The following RASSF2 variants were observed in gnomAD, a reference collection of about 807,000 sequenced individuals.
The protein encoded by RASSF2 is Ras association domain family member 2.
A neutral mutation model predicts 46.3 loss-of-function variants in RASSF2; 34 were observed. The ratio of observed to expected loss-of-function variants is 0.73; its 90% CI spans 0.56 to 0.98. The LOEUF (loss-of-function observed/expected upper bound fraction) is 0.98. Among genes scored for constraint, RASSF2 ranks in the 50% least tolerant of loss-of-function variants. RASSF2 has a pLI of 0.00. For synonymous variants in RASSF2, 158 were observed against 162.5 expected (o/e 0.97, Z 0.21); for missense variants, 364 against 431.2 (o/e 0.84, Z 1.38).
At chr20:4,808,507 G>A (rs1207405516) in intron 2 of RASSF2, among the ~76,000 whole-genome samples, 1 of 105,540 alleles carries the variant, frequency 9.5e-6, no homozygotes, top group Non-Finnish European at 2.1e-5. Context: ...TTTTTTTTGA[G>A]ACAGGGTCTC....
chr20:4,794,252 C>G (rs930613237), intron 5 of RASSF2, among the ~76,000 whole-genome samples: 3 of 152,018 alleles, frequency 2.0e-5, no homozygotes, highest in African/African-American at 7.3e-5. Context: ...TAGTGAGACC[C>G]CATTTCTACA....
Position 4,780,288 on chromosome 20 carries a change from A to G in RASSF2, c.*3985T>C, listed in dbSNP as rs1924676336. 1 of 152,258 alleles carries G rather than the reference A, an allele frequency of 6.6e-6. No homozygotes were observed. The highest frequency in any genetic ancestry group is 1.5e-5 in the Non-Finnish European group (1 of 68,044). The allele number at this position is 152,258 out of a possible 1,614,324, so 9.4% of individuals were successfully genotyped here. A position where few individuals can be genotyped will look rare whatever the true frequency, so the allele number is the denominator to read the frequency against. On this transcript the variant is annotated 3_prime_UTR_variant, in exon 12 of 12. Transcript: ENST00000379400. ...ACGCTAGCAATTACACACCAGAAAC[A>G]TCAGCCTGGAAACAGGTCTGCGATC...
chr20:4,784,668 C>G (rs1183095971), intron 11 of RASSF2, among the ~76,000 whole-genome samples: 2 of 149,502 alleles, frequency 1.3e-5, no homozygotes, highest in Non-Finnish European at 3.0e-5. Flanking sequence ...AGTGCGTTTG[C>G]TTACTATGTC....
chr20:4,784,649 T>C (rs1925145009), intron 11 of RASSF2, among the ~76,000 whole-genome samples: 1 of 147,542 alleles, frequency 6.8e-6, no homozygotes, highest in Admixed American at 6.7e-5. Context: ...ATAAGCATTC[T>C]ACGAATTCAG....
Position 4,789,669 on chromosome 20 carries a change from G to C in RASSF2, c.566C>G (p.Ser189Cys), listed in dbSNP as rs1350526330. The change falls in exon 8 of 12, where the codon TCT becomes TGT. Residue 189 changes from serine (S) to cysteine (C), a missense_variant. Coordinates refer to ENST00000379400, the MANE Select transcript of RASSF2 (RefSeq NM_014737.3). Reference sequence around the variant, plus strand: ...GCTGTTGATGCGGACGTTGGTGACAGAGCCATAGGCTGGTGTGAACACGGA... The same window carrying C: ...GCTGTTGATGCGGACGTTGGTGACACAGCCATAGGCTGGTGTGAACACGGA... Reference protein sequence around the residue: ...KTSVFTPAYGSVTNVRINSTM... With the variant: ...KTSVFTPAYGCVTNVRINSTM... 2 of 1,614,054 alleles carry C rather than the reference G, an allele frequency of 1.2e-6. No individual in the cohort carries two copies. The highest frequency in any genetic ancestry group is 3.3e-5 in the Admixed American group (2 of 59,994).
intron 2 of RASSF2, among the ~76,000 whole-genome samples, chr20:4,813,430 G>C (rs144482640): frequency 1.3e-5 from 2 of 152,214 alleles, no homozygotes; most frequent in Non-Finnish European, 2.9e-5. Context: ...GGGAGGAAGC[G>C]GTCCTGGGAC....
chr20:4,804,626 C>A (rs2423010), intron 2 of RASSF2, among the ~76,000 whole-genome samples: 54,810 of 152,036 alleles, frequency 0.36, 10,005 homozygotes, highest in East Asian at 0.51. Flanking sequence ...GCCTGAGCCA[C>A]CATGCCTGGC....
intron 11 of RASSF2, 59 bp from the exon 12 acceptor site, chr20:4,784,401 C>G (rs549772235): frequency 1.3e-6 from 2 of 1,527,012 alleles, no homozygotes; most frequent in African/African-American, 2.7e-5. Context: ...CTGCCCAGGA[C>G]CTTCCCGGCC....
intron 3 of RASSF2, 36 bp from the exon 4 acceptor site, chr20:4,798,121 A>G: frequency 6.2e-7 from 1 of 1,610,938 alleles, no homozygotes; most frequent in Non-Finnish European, 8.5e-7. Flanking sequence ...TAACATTATC[A>G]GCTGAAGCCA....
chr20:4,799,558 T>C (rs1926690888), intron 3 of RASSF2, among the ~76,000 whole-genome samples: 1 of 152,168 alleles, frequency 6.6e-6, no homozygotes, highest in Non-Finnish European at 1.5e-5. Flanking sequence ...AAGTTAAACC[T>C]AGATAAAGCA....
At chr20:4,791,786 G>A (rs6037968) in intron 6 of RASSF2, among the ~76,000 whole-genome samples, 54,064 of 152,028 alleles carry the variant, frequency 0.36, 9,761 homozygotes, top group East Asian at 0.45. Flanking sequence ...ATGTCTACCA[G>A]TAGGGAGTGA....
Position 4,790,336 on chromosome 20 carries a change from C to A in RASSF2, c.537+115G>T. 8.2e-7 allele frequency: 1 copy of A among 1,213,452 alleles called. No individual in the cohort carries two copies. The highest frequency in any genetic ancestry group is 1.1e-6 in the Non-Finnish European group (1 of 924,192). 75.2% of individuals were successfully genotyped at this position (1,213,452 alleles called of 1,614,324 possible). A position where few individuals can be genotyped will look rare whatever the true frequency, so the allele number is the denominator to read the frequency against. On this transcript the variant is annotated intron_variant, in intron 7 of 11. Transcript: ENST00000379400. The surrounding 1 kb of genome is among the most constrained non-coding windows in gnomAD (Gnocchi z 4.3). ...CACCCACAACCCAAAGACTAAACAG[C>A]AGCAAACACTTGGCTTCCCAGGCAT...
At chr20:4,821,234 C>T (rs1033542467) in intron 2 of RASSF2, among the ~76,000 whole-genome samples, 1 of 152,104 alleles carries the variant, frequency 6.6e-6, no homozygotes, top group Non-Finnish European at 1.5e-5. Context: ...CAACTGGGCT[C>T]CTAAGATGGC....
chr20:4,812,874 G>T lies in RASSF2; in HGVS notation c.-33+9455C>A, dbSNP rs12624977. On this transcript the variant is annotated intron_variant, in intron 2 of 11. Transcript: ENST00000379400. This position sits in a 1 kb window ranked among gnomAD's most constrained non-coding sequence, Gnocchi z 4.0. ...GCTGGATCTGAGAGGGCCACTATGCGAGTAGCAGGTGCAGGCTGGCTCCAG... is the reference window on the plus strand; with the variant it reads ...GCTGGATCTGAGAGGGCCACTATGCTAGTAGCAGGTGCAGGCTGGCTCCAG... 0.011 allele frequency among the ~76,000 whole-genome samples: 1,720 copies of T among 152,262 alleles called. 93 individuals are homozygous for T. Among genetic ancestry groups the T allele is most frequent in the East Asian group, 0.11 (577 of 5,166 alleles).
At chr20:4,799,409 A>AG (rs1555790934) in intron 3 of RASSF2, among the ~76,000 whole-genome samples, 1 of 152,134 alleles carries the variant, frequency 6.6e-6, no homozygotes, top group Non-Finnish European at 1.5e-5. Context: ...CGAGAGGTGG[A>AG]GGGGGCCACT....
chr20:4,809,153 C>T (rs992547786), intron 2 of RASSF2, among the ~76,000 whole-genome samples: 8 of 152,172 alleles, frequency 5.3e-5, no homozygotes, highest in African/African-American at 1.9e-4. Flanking sequence ...ATGCATTCTG[C>T]TTGTCAGTGG....
chr20:4,786,402 T>G, intron 10 of RASSF2, 74 bp from the exon 11 acceptor site: 1 of 1,255,262 alleles, frequency 8.0e-7, no homozygotes, highest in South Asian at 1.2e-5. Context: ...GTTGTCCTTA[T>G]ACAAGGCACA....
intron 2 of RASSF2, among the ~76,000 whole-genome samples, chr20:4,821,599 A>G (rs192122732): frequency 1.8e-4 from 28 of 152,236 alleles, no homozygotes; most frequent in Non-Finnish European, 1.5e-5. Context: ...TGTCTCCCTG[A>G]TATTCCACCT....
At chr20:4,784,443 C>T (rs920548862) in intron 11 of RASSF2, 101 bp from the exon 12 acceptor site, 3 of 1,098,468 alleles carry the variant, frequency 2.7e-6, no homozygotes, top group Non-Finnish European at 4.2e-6. Context: ...CACCAGGTAA[C>T]AGTGCAGTCA....
Sources: gnomAD v4.1 joint callset for allele counts (sites outside exome capture counted in the v4.1 genomes callset) on GRCh38, gnomAD v4.1.1 for gene constraint, Gnocchi (gnomAD v3.1) non-coding constraint, MANE v1.5 for transcripts, NCBI Gene and HGNC (gene_info 2026-07-23, HGNC 2026-07-21) for gene names.